Variants in FBXL7 observed in about 807,000 individuals in gnomAD.
FBXL7 encodes the protein F-box and leucine rich repeat protein 7.
FBXL7 carries 12 observed loss-of-function variants against 38.3 expected under a neutral mutation model. That is an observed-to-expected ratio of 0.31 (90% CI 0.20 to 0.51). The LOEUF (loss-of-function observed/expected upper bound fraction) is 0.51. Among genes scored for constraint, FBXL7 ranks in the 20% least tolerant of loss-of-function variants. The pLI is 0.98. For synonymous variants in FBXL7, 297 were observed against 300.9 expected (o/e 0.99, Z 0.13); for missense variants, 567 against 676.4 (o/e 0.84, Z 1.79).
At chr5:15,789,833 C>T (rs1280468638) in intron 2 of FBXL7, among the ~76,000 whole-genome samples, 1 of 152,208 alleles carries the variant, frequency 6.6e-6, no homozygotes, top group Non-Finnish European at 1.5e-5. Context: ...TCACACCAGG[C>T]TATGAATTGC....
At chr5:15,581,202 A>T (rs1739128477) in intron 1 of FBXL7, among the ~76,000 whole-genome samples, 1 of 152,232 alleles carries the variant, frequency 6.6e-6, no homozygotes, top group Non-Finnish European at 1.5e-5. Context: ...TTTAATGATC[A>T]GATCAGCAAT....
intron 2 of FBXL7, among the ~76,000 whole-genome samples, chr5:15,685,149 T>C (rs568920750): frequency 1.7e-3 from 258 of 152,198 alleles, no homozygotes; most frequent in Non-Finnish European, 1.6e-3. Flanking sequence ...GAATTGCCTT[T>C]TTCTTGAGCA....
intron 2 of FBXL7, among the ~76,000 whole-genome samples, chr5:15,620,160 G>A (rs1740580052): frequency 6.6e-6 from 1 of 151,816 alleles, no homozygotes; most frequent in Non-Finnish European, 1.5e-5. Flanking sequence ...AAAAAAGAGT[G>A]TTGGGGCAGC....
At chr5:15,834,723 G>A (rs1299620047) in intron 2 of FBXL7, among the ~76,000 whole-genome samples, 2 of 152,224 alleles carry the variant, frequency 1.3e-5, no homozygotes, top group Non-Finnish European at 2.9e-5. Flanking sequence ...TAGAAGCTGT[G>A]TGAACCTGAC....
intron 1 of FBXL7, among the ~76,000 whole-genome samples, chr5:15,520,553 TTCTGGC>T (rs1737069381): frequency 6.6e-6 from 1 of 152,236 alleles, no homozygotes; most frequent in Non-Finnish European, 1.5e-5. Context: ...ATATGCCAGA[TTCTGGC>T]ACATTTATAT....
intron 1 of FBXL7, among the ~76,000 whole-genome samples, chr5:15,529,568 G>T (rs901489527): frequency 6.6e-6 from 1 of 151,740 alleles, no homozygotes; most frequent in East Asian, 2.0e-4. Flanking sequence ...TTGTATTTTT[G>T]TAGTAGAGAC....
chr5:15,878,546 T>A (rs1306707751), intron 2 of FBXL7, among the ~76,000 whole-genome samples: 1 of 152,184 alleles, frequency 6.6e-6, no homozygotes, highest in East Asian at 1.9e-4. Context: ...CAAATTATGA[T>A]CTAGTTTCTG....
chr5:15,928,227 G>A lies in FBXL7; in HGVS notation c.465G>A (p.Arg155=), dbSNP rs772299963. Residue 155 remains arginine, a synonymous_variant, in exon 3 of 4, where the codon AGG becomes AGA. Transcript: ENST00000504595. The surrounding 1 kb of genome is among the most constrained non-coding windows in gnomAD (Gnocchi z 4.0). ...YNLAWDPRLW[R]TIRLTGETIN... is the part of the protein sequence containing the mutation. ...TGGCCTGGGACCCGCGGCTCTGGAG[G>A]ACTATCCGCCTGACGGGCGAGACCA... 6.2e-7 allele frequency: 1 copy of A among 1,610,934 alleles called. No homozygotes were observed. Among genetic ancestry groups the A allele is most frequent in the East Asian group, 2.2e-5 (1 of 44,756 alleles).
At chr5:15,612,522 T>C (rs1178232925) in intron 1 of FBXL7, among the ~76,000 whole-genome samples, 1 of 152,162 alleles carries the variant, frequency 6.6e-6, no homozygotes, top group Non-Finnish European at 1.5e-5. Flanking sequence ...CTGAAATTTG[T>C]TGTTTTATTT....
intron 2 of FBXL7, among the ~76,000 whole-genome samples, chr5:15,923,856 G>A (rs1384733241): frequency 2.0e-5 from 3 of 151,374 alleles, no homozygotes; most frequent in African/African-American, 4.9e-5. Flanking sequence ...TCCCCCCTCC[G>A]CCCCCATGCA....
intron 2 of FBXL7, among the ~76,000 whole-genome samples, chr5:15,896,500 C>G (rs1490021146): frequency 6.6e-6 from 1 of 152,212 alleles, no homozygotes; most frequent in Admixed American, 6.5e-5. Flanking sequence ...GGTCTTTAAG[C>G]CAATCTGTAT....
intron 2 of FBXL7, among the ~76,000 whole-genome samples, chr5:15,691,189 A>G (rs1047986769): frequency 3.3e-5 from 5 of 152,200 alleles, no homozygotes; most frequent in Non-Finnish European, 7.3e-5. Context: ...TGGAGTGCAC[A>G]TCCCGCTTGA....
chr5:15,522,122 CT>C (rs1347865531), intron 1 of FBXL7, among the ~76,000 whole-genome samples: 5 of 152,114 alleles, frequency 3.3e-5, no homozygotes, highest in African/African-American at 1.2e-4. Context: ...ATGTTTAAAA[CT>C]TTGGGCATGA....
At chr5:15,793,026 C>G (rs375007462) in intron 2 of FBXL7, among the ~76,000 whole-genome samples, 10 of 152,162 alleles carry the variant, frequency 6.6e-5, no homozygotes, top group African/African-American at 2.4e-4. Flanking sequence ...CAACCTTCAA[C>G]CTTCCTGCGT....
intron 1 of FBXL7, among the ~76,000 whole-genome samples, chr5:15,532,794 G>A (rs903622031): frequency 1.3e-5 from 2 of 152,190 alleles, no homozygotes; most frequent in African/African-American, 2.4e-5. Flanking sequence ...TCACATCAGC[G>A]CCATGAATCC....
chr5:15,906,595 C>A (rs1476314567), intron 2 of FBXL7, among the ~76,000 whole-genome samples: 2 of 141,606 alleles, frequency 1.4e-5, no homozygotes, highest in African/African-American at 5.4e-5. Context: ...ATACATGTGC[C>A]ATGCTGGTGC....
intron 1 of FBXL7, among the ~76,000 whole-genome samples, chr5:15,502,773 A>G (rs569563767): frequency 6.6e-6 from 1 of 152,212 alleles, no homozygotes; most frequent in Non-Finnish European, 1.5e-5. Context: ...TTGTTATTCC[A>G]TGGTAGATTG....
intron 2 of FBXL7, among the ~76,000 whole-genome samples, chr5:15,620,523 T>TA (rs1307832909): frequency 7.2e-5 from 11 of 152,028 alleles, no homozygotes; most frequent in Non-Finnish European, 1.2e-4. Flanking sequence ...GTGCTGTTAT[T>TA]ACAGGCGTGA....
intron 2 of FBXL7, among the ~76,000 whole-genome samples, chr5:15,664,476 T>TCC (rs1742204316): frequency 6.3e-5 from 9 of 142,740 alleles, no homozygotes; most frequent in Admixed American, 6.3e-4. Flanking sequence ...TTCCTTTTTT[T>TCC]TTTTTTTTTT....
Sources: allele counts gnomAD v4.1 joint callset (sites outside exome capture counted in the v4.1 genomes callset), GRCh38; gene constraint gnomAD v4.1.1; non-coding constraint Gnocchi (gnomAD v3.1); transcripts MANE v1.5; gene names NCBI Gene and HGNC (gene_info 2026-07-23, HGNC 2026-07-21).